Variants in HS6ST3 observed in about 807,000 individuals in gnomAD.
HS6ST3 encodes the protein heparan-sulfate 6-O-sulfotransferase 3.
HS6ST3 carries 12 observed loss-of-function variants against 36.7 expected under a neutral mutation model. That is an observed-to-expected ratio of 0.33 (90% CI 0.21 to 0.53). HS6ST3 has a LOEUF of 0.53. HS6ST3 is among the 20% of genes least tolerant of loss of function. HS6ST3 has a pLI of 0.95. For synonymous variants in HS6ST3, 240 were observed against 257.5 expected, an observed-to-expected ratio of 0.93 and a Z score of 0.65; for missense variants, 584 against 640.9, an observed-to-expected ratio of 0.91 and a Z score of 0.96.
intron 1 of HS6ST3, among the ~76,000 whole-genome samples, chr13:96,232,905 G>A (rs1473129706): frequency 1.3e-5 from 2 of 152,146 alleles, no homozygotes; most frequent in Non-Finnish European, 2.9e-5. Context: ...TGGGTGGTTA[G>A]GCCTAGTGTG....
At chr13:96,663,624 C>T (rs1477570702) in intron 1 of HS6ST3, among the ~76,000 whole-genome samples, 2 of 152,080 alleles carry the variant, frequency 1.3e-5, no homozygotes, top group Non-Finnish European at 2.9e-5. Context: ...ATAACTGTAC[C>T]ACACAGCCCT....
chr13:96,698,299 G>GT (rs969732741), intron 1 of HS6ST3, among the ~76,000 whole-genome samples: 1 of 152,098 alleles, frequency 6.6e-6, no homozygotes, highest in Non-Finnish European at 1.5e-5. Flanking sequence ...TGTGGTGTTT[G>GT]TTTTTTTGTC....
chr13:96,577,683 G>C (rs1566401952), intron 1 of HS6ST3, among the ~76,000 whole-genome samples: 1 of 151,982 alleles, frequency 6.6e-6, no homozygotes, highest in Non-Finnish European at 1.5e-5. Context: ...ATGGGCGAAG[G>C]ACATGAACAC....
chr13:96,173,942 T>C (rs2054200807), intron 1 of HS6ST3, among the ~76,000 whole-genome samples: 2 of 152,000 alleles, frequency 1.3e-5, no homozygotes, highest in South Asian at 4.1e-4. Flanking sequence ...AAAGGGCATG[T>C]GTAATCTGTA....
At chr13:96,622,673 A>T (rs1345951198) in intron 1 of HS6ST3, among the ~76,000 whole-genome samples, 2 of 152,160 alleles carry the variant, frequency 1.3e-5, no homozygotes, top group Non-Finnish European at 2.9e-5. Flanking sequence ...CTTTTCCCAC[A>T]TCTTAAATAT....
At chr13:96,295,928 A>G (rs901524727) in intron 1 of HS6ST3, among the ~76,000 whole-genome samples, 1 of 152,090 alleles carries the variant, frequency 6.6e-6, no homozygotes, top group Non-Finnish European at 1.5e-5. Flanking sequence ...GTTGGGAGAC[A>G]TGTGAATAGA....
intron 1 of HS6ST3, among the ~76,000 whole-genome samples, chr13:96,831,683 G>A (rs748846455): frequency 6.6e-6 from 1 of 152,008 alleles, no homozygotes; most frequent in African/African-American, 2.4e-5. Flanking sequence ...CAGCAGGCAC[G>A]CTGGCTCATG....
intron 1 of HS6ST3, among the ~76,000 whole-genome samples, chr13:96,190,283 G>A (rs1193155285): frequency 6.6e-6 from 1 of 152,180 alleles, no homozygotes; most frequent in Non-Finnish European, 1.5e-5. Flanking sequence ...CTCTGCCTGG[G>A]CATTCTCCTT....
intron 1 of HS6ST3, among the ~76,000 whole-genome samples, chr13:96,351,909 T>G (rs1363097706): frequency 6.6e-6 from 1 of 152,132 alleles, no homozygotes; most frequent in Non-Finnish European, 1.5e-5. Context: ...ATTAACAGTA[T>G]TAAATTGATA....
intron 1 of HS6ST3, among the ~76,000 whole-genome samples, chr13:96,411,449 C>T (rs2055506862): frequency 6.6e-6 from 1 of 152,160 alleles, no homozygotes; most frequent in Non-Finnish European, 1.5e-5. Context: ...GGTGAGATAA[C>T]ATGGCAAATT....
intron 1 of HS6ST3, among the ~76,000 whole-genome samples, chr13:96,168,741 A>G (rs182110216): frequency 7.2e-5 from 11 of 152,000 alleles, no homozygotes; most frequent in Admixed American, 2.0e-4. Context: ...GAAAGCACCT[A>G]TTGATTCTAA....
At chr13:96,484,220 G>A (rs2055903041) in intron 1 of HS6ST3, among the ~76,000 whole-genome samples, 2 of 152,060 alleles carry the variant, frequency 1.3e-5, no homozygotes, top group Admixed American at 1.3e-4. Flanking sequence ...TTTGATATAT[G>A]TGTATATTGT....
At chr13:96,147,047 A>G (rs965879983) in intron 1 of HS6ST3, among the ~76,000 whole-genome samples, 5 of 152,228 alleles carry the variant, frequency 3.3e-5, no homozygotes, top group Admixed American at 2.0e-4. Flanking sequence ...GTGATTAAGC[A>G]TGGTTGAAGG....
chr13:96,453,498 AT>A, intron 1 of HS6ST3, among the ~76,000 whole-genome samples: 1 of 152,218 alleles, frequency 6.6e-6, no homozygotes, highest in Admixed American at 6.5e-5. Flanking sequence ...AAAAGCTGCT[AT>A]AAGATGTGCA....
chr13:96,239,108 T>A (rs1280021490), intron 1 of HS6ST3, among the ~76,000 whole-genome samples: 1 of 152,094 alleles, frequency 6.6e-6, no homozygotes, highest in Non-Finnish European at 1.5e-5. Context: ...CCTTACAAAA[T>A]CTCTTCAGGC....
chr13:96,171,650 C>A (rs2054188365), intron 1 of HS6ST3, among the ~76,000 whole-genome samples: 1 of 152,190 alleles, frequency 6.6e-6, no homozygotes, highest in South Asian at 2.1e-4. Flanking sequence ...TTCATCAGTT[C>A]ATGGAGCCCT....
At chr13:96,109,531 G>T (rs560948698) in intron 1 of HS6ST3, among the ~76,000 whole-genome samples, 3 of 152,164 alleles carry the variant, frequency 2.0e-5, no homozygotes, top group Non-Finnish European at 4.4e-5. Context: ...CCTGTGTTTT[G>T]TCTAAAGCTT....
intron 1 of HS6ST3, among the ~76,000 whole-genome samples, chr13:96,716,226 AG>A (rs1239732341): frequency 1.3e-5 from 2 of 152,102 alleles, no homozygotes; most frequent in Non-Finnish European, 2.9e-5. Flanking sequence ...CATTCCATTG[AG>A]GGGCTAAAAT....
rs1235215514 is a variant in HS6ST3 at position 96,836,433 on chromosome 13, G to T, written c.*3235G>T. ...CTACTCTTGGAAACTGGAGGAAACT[G>T]CCCTGAGAATTATTAGAATGCTAAT... On this transcript the variant is annotated 3_prime_UTR_variant, in exon 2 of 2. Coordinates refer to ENST00000376705, the MANE Select transcript of HS6ST3 (RefSeq NM_153456.4). 6.6e-6 allele frequency: 1 copy of T among 152,130 alleles called. No homozygotes were observed. Among genetic ancestry groups the T allele is most frequent in the East Asian group, 1.9e-4 (1 of 5,188 alleles). 9.4% of individuals were successfully genotyped at this position (152,130 alleles called of 1,614,324 possible).
Sources: allele counts gnomAD v4.1 joint callset (sites outside exome capture counted in the v4.1 genomes callset), GRCh38; gene constraint gnomAD v4.1.1; transcripts MANE v1.5; gene names NCBI Gene and HGNC (gene_info 2026-07-23, HGNC 2026-07-21).